LNPK: variants seen among roughly 807,000 people sequenced by gnomAD.
The protein encoded by LNPK is lunapark, ER junction formation factor.
Under a neutral mutation model 55.2 loss-of-function variants are expected in LNPK, and 29 were observed. The ratio of observed to expected loss-of-function variants is 0.53; its 90% CI spans 0.39 to 0.72. The LOEUF is 0.72. Ranked by LOEUF, LNPK falls within the 30% of genes least tolerant of loss-of-function variation. The pLI is 0.00. For synonymous variants in LNPK, 162 were observed against 168.2 expected, an observed-to-expected ratio of 0.96 and a Z score of 0.29; for missense variants, 467 against 494.8, an observed-to-expected ratio of 0.94 and a Z score of 0.53.
intron 8 of LNPK, among the ~76,000 whole-genome samples, chr2:175,960,800 G>T (rs945715933): frequency 2.0e-5 from 3 of 152,070 alleles, no homozygotes; most frequent in Non-Finnish European, 4.4e-5. Flanking sequence ...CAGCAAAATA[G>T]ATAGACCACT....
At chr2:175,948,814 A>C (rs1387782926) in intron 8 of LNPK, among the ~76,000 whole-genome samples, 3 of 152,304 alleles carry the variant, frequency 2.0e-5, no homozygotes, top group Admixed American at 1.3e-4. Context: ...CTCTAGCATC[A>C]GATCTTAGTT....
chr2:175,986,970 G>GAAAAAAAAAAAAA (rs745941194), intron 4 of LNPK, among the ~76,000 whole-genome samples: 1 of 119,038 alleles, frequency 8.4e-6, no homozygotes. Flanking sequence ...TATCAAACAA[G>GAAAAAAAAAAAAA]AAAAAAAAAA....
intron 1 of LNPK, among the ~76,000 whole-genome samples, chr2:175,997,705 CTGTG>C (rs35147185): frequency 5.9e-4 from 85 of 144,086 alleles, no homozygotes; most frequent in African/African-American, 8.3e-4. Context: ...AACAAATGCT[CTGTG>C]TGTGTGTGTG....
At chr2:175,974,527 A>AT (rs1446242830) in intron 5 of LNPK, among the ~76,000 whole-genome samples, 16 of 152,148 alleles carry the variant, frequency 1.1e-4, no homozygotes, top group Admixed American at 1.0e-3. Flanking sequence ...TCCAATAAAA[A>AT]CTGAAATTTG....
Position 175,925,407 on chromosome 2 carries a change from G to A in LNPK, c.*4560C>T, listed in dbSNP as rs1683964781. The A allele has an allele frequency of 6.6e-6, 1 of 152,150 alleles. No homozygotes were observed. The highest frequency in any genetic ancestry group is 2.4e-5 in the African/African-American group (1 of 41,422). The allele number at this position is 152,150 out of a possible 1,614,324, so 9.4% of individuals were successfully genotyped here. On this transcript the variant is annotated 3_prime_UTR_variant, in exon 13 of 13. Coordinates refer to ENST00000272748, the MANE Select transcript of LNPK (RefSeq NM_030650.3). ...GAGTGGGAGCGTATCTCAGGCAGAG[G>A]AAAAGCTCAAGAAGGCTGGGAGATG...
chr2:175,935,053 T>C (rs1176060219), intron 12 of LNPK, among the ~76,000 whole-genome samples: 1 of 152,062 alleles, frequency 6.6e-6, no homozygotes, highest in African/African-American at 2.4e-5. Context: ...AAAACTTAAC[T>C]TCAAAATCCT....
Position 175,930,187 on chromosome 2 carries a change from T to A in LNPK, c.1067A>T (p.His356Leu), listed in dbSNP as rs776673935. 1 of 1,612,662 alleles carries A rather than the reference T, an allele frequency of 6.2e-7. No individual in the cohort carries two copies. Among genetic ancestry groups the A allele is most frequent in the East Asian group, 2.2e-5 (1 of 44,848 alleles). ...DNQFNEESLEHDVLDDNTEQT... is the reference protein window; with the variant it reads ...DNQFNEESLELDVLDDNTEQT... ...CTCTGTATTATCATCAAGAACATCG[T>A]GTTCTAAAGATTCTGAAAAGATAAA... The change falls in exon 13 of 13, where the codon CAC becomes CTC. Residue 356 changes from histidine (H) to leucine (L), a missense_variant. His to Leu is a moderately conservative substitution (Grantham distance 99). Coordinates refer to ENST00000272748, the MANE Select transcript of LNPK (RefSeq NM_030650.3).
At chr2:175,970,410 C>A (rs1459331090) in intron 6 of LNPK, among the ~76,000 whole-genome samples, 4 of 151,980 alleles carry the variant, frequency 2.6e-5, no homozygotes, top group Admixed American at 6.6e-5. Context: ...GTCAAGAAAA[C>A]CTGAGAACTG....
intron 8 of LNPK, among the ~76,000 whole-genome samples, chr2:175,957,778 G>A (rs1324254398): frequency 6.6e-6 from 1 of 152,208 alleles, no homozygotes; most frequent in Non-Finnish European, 1.5e-5. Flanking sequence ...GGAAGTGCAA[G>A]GAGTCAGGAG....
intron 8 of LNPK, among the ~76,000 whole-genome samples, chr2:175,948,437 T>C (rs1243290605): frequency 6.6e-6 from 1 of 152,132 alleles, no homozygotes; most frequent in East Asian, 1.9e-4. Flanking sequence ...TTTAGAAGAG[T>C]AGAGTAGTTG....
At chr2:175,980,489 T>A (rs927284772) in intron 4 of LNPK, among the ~76,000 whole-genome samples, 4 of 152,304 alleles carry the variant, frequency 2.6e-5, no homozygotes, top group South Asian at 4.1e-4. Context: ...TAGTAAGACA[T>A]CAAATGAATT....
At chr2:175,956,895 G>A (rs1685721513) in intron 8 of LNPK, among the ~76,000 whole-genome samples, 1 of 152,076 alleles carries the variant, frequency 6.6e-6, no homozygotes, top group South Asian at 2.1e-4. Context: ...CTCCATGCTG[G>A]CACCTACACG....
intron 4 of LNPK, among the ~76,000 whole-genome samples, chr2:175,987,424 C>CA (rs1377501793): frequency 6.6e-6 from 1 of 151,924 alleles, no homozygotes; most frequent in East Asian, 1.9e-4. Flanking sequence ...ATCGCAAGGA[C>CA]AAAAAACCAA....
At chr2:175,938,169 C>T (rs1207942483) in intron 11 of LNPK, 144 bp downstream of exon 11, 6 of 543,430 alleles carry the variant, frequency 1.1e-5, no homozygotes, top group Non-Finnish European at 1.6e-5. Flanking sequence ...CCCTGCTTTG[C>T]TCTATGTACT....
At chr2:175,944,913 G>T (rs1685044755) in intron 9 of LNPK, among the ~76,000 whole-genome samples, 1 of 151,724 alleles carries the variant, frequency 6.6e-6, no homozygotes, top group Non-Finnish European at 1.5e-5. Flanking sequence ...CAAGTTCTTA[G>T]TATTAGAAAT....
At chr2:175,970,269 G>C (rs1686593346) in intron 6 of LNPK, among the ~76,000 whole-genome samples, 1 of 150,638 alleles carries the variant, frequency 6.6e-6, no homozygotes, top group South Asian at 2.1e-4. Context: ...CATGTGATCA[G>C]AGTTACTGAT....
chr2:175,944,013 T>C (rs953251947), intron 9 of LNPK, among the ~76,000 whole-genome samples: 1 of 152,142 alleles, frequency 6.6e-6, no homozygotes, highest in Non-Finnish European at 1.5e-5. Context: ...AATGTGGCTA[T>C]GTAGAAAATA....
chr2:175,964,487 A>T lies in LNPK; in HGVS notation c.441+19T>A. The T allele has an allele frequency of 1.3e-6, 2 of 1,580,856 alleles. No homozygotes were observed. Among genetic ancestry groups the T allele is most frequent in the Non-Finnish European group, 1.7e-6 (2 of 1,149,822 alleles). Reference sequence around the variant, plus strand: ...AATGTGTAATTTATAATAAAATAGTAGTGATATCACAGTCTTACCTTTGCT... The same window carrying T: ...AATGTGTAATTTATAATAAAATAGTTGTGATATCACAGTCTTACCTTTGCT... On this transcript the variant is annotated intron_variant, in intron 7 of 12. Transcript: ENST00000272748.
chr2:175,970,781 A>AT lies in LNPK; in HGVS notation c.339dup (p.Ser114IlefsTer8). 1 of 1,393,410 alleles carries AT rather than the reference A, an allele frequency of 7.2e-7. No individual in the cohort carries two copies. The allele number at this position is 1,393,410 out of a possible 1,614,324, so 86.3% of individuals were successfully genotyped here. On this transcript the variant is annotated frameshift_variant, in exon 6 of 13. Coordinates refer to ENST00000272748, the MANE Select transcript of LNPK (RefSeq NM_030650.3). LOFTEE classifies it high-confidence loss of function. ...TAACTTACTATTTTTTTCCTCTGGG[A>AT]TTTTAAATCATCCAATGCTTCATCT...
Sources: allele counts gnomAD v4.1 joint callset (sites outside exome capture counted in the v4.1 genomes callset), GRCh38; gene constraint gnomAD v4.1.1; transcripts MANE v1.5; gene names NCBI Gene and HGNC (gene_info 2026-07-23, HGNC 2026-07-21).